The following OSTF1 variants were observed in gnomAD, a reference collection of about 807,000 sequenced individuals.
OSTF1 encodes osteoclast-stimulating factor 1.
OSTF1 carries 27 observed loss-of-function variants against 37.2 expected under a neutral mutation model. The observed-to-expected ratio is 0.73, with a 90% confidence interval of 0.54 to 1.00. OSTF1 has a LOEUF of 1.00. Among genes scored for constraint, OSTF1 ranks in the 50% least tolerant of loss-of-function variants. The pLI is 0.00. For missense variants in OSTF1, 232 were observed against 253.8 expected (o/e 0.91, Z 0.58); for synonymous variants, 82 against 89.2 (o/e 0.92, Z 0.46).
intron 1 of OSTF1, among the ~76,000 whole-genome samples, chr9:75,109,367 G>A (rs1047168865): frequency 6.6e-6 from 1 of 152,120 alleles, no homozygotes; most frequent in Non-Finnish European, 1.5e-5. Context: ...GCCACATTTG[G>A]CTTTGGCAAA....
chr9:75,119,547 A>G (rs961699534), intron 2 of OSTF1, among the ~76,000 whole-genome samples: 8 of 152,338 alleles, frequency 5.3e-5, no homozygotes, highest in African/African-American at 1.7e-4. Flanking sequence ...GAAGACTGAG[A>G]TCAAGGTGTC....
chr9:75,109,507 A>G (rs1362770939), intron 1 of OSTF1, among the ~76,000 whole-genome samples: 5 of 152,224 alleles, frequency 3.3e-5, no homozygotes, highest in Non-Finnish European at 5.9e-5. Flanking sequence ...AATTTCTTCT[A>G]TTATGTATAG....
At chr9:75,130,065 A>C (rs908226379) in intron 3 of OSTF1, among the ~76,000 whole-genome samples, 1 of 152,154 alleles carries the variant, frequency 6.6e-6, no homozygotes, top group African/African-American at 2.4e-5. Flanking sequence ...ATATGAAACA[A>C]TATTGGTCAT....
intron 1 of OSTF1, among the ~76,000 whole-genome samples, chr9:75,095,994 C>T (rs1487114547): frequency 1.3e-5 from 2 of 152,034 alleles, no homozygotes; most frequent in Non-Finnish European, 2.9e-5. Context: ...CGGGTTCACG[C>T]CATTCTCCTG....
At chr9:75,110,330 A>G (rs1022589530) in intron 1 of OSTF1, among the ~76,000 whole-genome samples, 1 of 152,186 alleles carries the variant, frequency 6.6e-6, no homozygotes, top group African/African-American at 2.4e-5. Context: ...AATGTCATAT[A>G]GTTGGAATCA....
chr9:75,143,106 A>G (rs1825969073), intron 9 of OSTF1, among the ~76,000 whole-genome samples: 1 of 151,912 alleles, frequency 6.6e-6, no homozygotes, highest in South Asian at 2.1e-4. Flanking sequence ...TGCCCGGCTA[A>G]TTTTTGTATT....
In OSTF1 at chr9:75,137,615, A is replaced by G. The variant is rs1181261811; in HGVS notation, c.486A>G (p.Lys162=). 2.5e-6 allele frequency: 4 copies of G among 1,605,744 alleles called. No individual in the cohort carries two copies. Among genetic ancestry groups the G allele is most frequent in the Non-Finnish European group, 3.4e-6 (4 of 1,172,524 alleles). Residue 162 remains lysine (K), a splice_region_variant and synonymous_variant, in exon 8 of 10, where the codon AAA becomes AAG. Transcript: ENST00000346234. ...ATATCGTCCAGTTGCTTCTGGCAAA[A>G]GGTAAAGTTTGTGCTGAGTTTATCT... ...YADIVQLLLA[K]GARTDLRNIE... is the part of the protein sequence containing the mutation.
At chr9:75,090,741 G>A (rs965213219) in intron 1 of OSTF1, among the ~76,000 whole-genome samples, 3 of 151,964 alleles carry the variant, frequency 2.0e-5, no homozygotes, top group African/African-American at 7.3e-5. Flanking sequence ...ATGAGGCTGA[G>A]GTGGGAGGAT....
intron 1 of OSTF1, 128 bp from the exon 2 acceptor site, chr9:75,117,376 A>G: frequency 1.6e-6 from 1 of 634,806 alleles, no homozygotes; most frequent in Non-Finnish European, 2.8e-6. Flanking sequence ...TCCAGCCTCT[A>G]GTATCCTCTG....
At chr9:75,115,136 A>T (rs1295503432) in intron 1 of OSTF1, among the ~76,000 whole-genome samples, 1 of 152,210 alleles carries the variant, frequency 6.6e-6, no homozygotes, top group Non-Finnish European at 1.5e-5. Flanking sequence ...GGAATAGAAA[A>T]GAATAAGAAA....
intron 4 of OSTF1, among the ~76,000 whole-genome samples, chr9:75,131,251 C>T (rs796750416): frequency 5.4e-4 from 82 of 152,322 alleles, no homozygotes; most frequent in African/African-American, 1.9e-3. Flanking sequence ...AGGACAGCAG[C>T]GAACATGCCT....
Position 75,131,814 on chromosome 9 carries a change from G to A in OSTF1, c.241G>A (p.Ala81Thr). The change falls in exon 5 of 10, where the codon GCA becomes ACA. Residue 81 changes from alanine (A) to threonine (T), a missense_variant. Ala to Thr is a moderately conservative substitution (Grantham distance 58). Coordinates refer to ENST00000346234, the MANE Select transcript of OSTF1 (RefSeq NM_012383.5). The stretch of plus-strand genomic sequence containing the variant: ...CATTGACAATCCATTGCATGAAGCA[G>A]CAAAAAGAGGTAGGTGTGATTCTTT... ...ESIDNPLHEA[A>T]KRGNLSWLRE... 6.2e-7 allele frequency: 1 copy of A among 1,612,450 alleles called. No homozygotes were observed. The highest frequency in any genetic ancestry group is 8.5e-7 in the Non-Finnish European group (1 of 1,178,646).
At position 75,107,739 on chromosome 9, in the gene OSTF1, C is replaced by T. The variant is rs139027765; in HGVS notation, c.35-9765C>T. Among the ~76,000 whole-genome samples the T allele has an allele frequency of 7.2e-3, 1,103 of 152,258 alleles. 8 individuals carry two copies. The highest frequency in any genetic ancestry group is 0.012 in the Non-Finnish European group (818 of 68,022). The stretch of plus-strand genomic sequence containing the variant: ...ATGACCAGAGGGGAACACAGAAGTT[C>T]GCTTTAGACTCAAATTTTTTCCAAA... On this transcript the variant is annotated intron_variant, in intron 1 of 9. Transcript: ENST00000346234.
chr9:75,131,918 C>T, intron 5 of OSTF1, 95 bp downstream of exon 5: 1 of 845,796 alleles, frequency 1.2e-6, no homozygotes, highest in Non-Finnish European at 2.0e-6. Context: ...GTAACCAACA[C>T]CCAGATCAAG....
chr9:75,144,613 C>T (rs1825992159), intron 9 of OSTF1, among the ~76,000 whole-genome samples: 2 of 152,132 alleles, frequency 1.3e-5, no homozygotes, highest in African/African-American at 2.4e-5. Context: ...AATCGGCTTC[C>T]ACCTCCCTTG....
rs559415001 is a variant in OSTF1 at position 75,114,327 on chromosome 9, A to C, written c.35-3177A>C. Among the ~76,000 whole-genome samples, 4 of 152,272 alleles carry C rather than the reference A, an allele frequency of 2.6e-5. No individual in the cohort carries two copies. The East Asian group carries it at 7.7e-4, about 29-fold the overall frequency. On this transcript the variant is annotated intron_variant, in intron 1 of 9. Transcript: ENST00000346234. ...TATTTACATAATCCCCTTTTAATGG[A>C]CATTAAGTCAATCCATTTTCTGATG...
At chr9:75,133,750 GTCT>G (rs962845536) in intron 6 of OSTF1, among the ~76,000 whole-genome samples, 4 of 152,152 alleles carry the variant, frequency 2.6e-5, no homozygotes, top group African/African-American at 7.2e-5. Context: ...TTTTCACAAG[GTCT>G]TCTTTTATGA....
chr9:75,129,331 G>A (rs1825726639), intron 3 of OSTF1, among the ~76,000 whole-genome samples: 1 of 152,110 alleles, frequency 6.6e-6, no homozygotes, highest in East Asian at 1.9e-4. Flanking sequence ...TTTTCTTTAT[G>A]AATTTCTTAC....
At chr9:75,131,636 C>T in intron 4 of OSTF1, 134 bp from the exon 5 acceptor site, 1 of 641,408 alleles carries the variant, frequency 1.6e-6, no homozygotes, top group Non-Finnish European at 2.8e-6. Context: ...ACTTTTTATC[C>T]ACATTAAGTA....
Sources: allele counts gnomAD v4.1 joint callset (sites outside exome capture counted in the v4.1 genomes callset), GRCh38; gene constraint gnomAD v4.1.1; transcripts MANE v1.5; gene names NCBI Gene and HGNC (gene_info 2026-07-23, HGNC 2026-07-21).